Variants in THBS4 observed in about 807,000 individuals in gnomAD.
The protein encoded by THBS4 is thrombospondin-4.
Under a neutral mutation model 115.7 loss-of-function variants are expected in THBS4, and 90 were observed. That is an observed-to-expected ratio of 0.78 (90% CI 0.66 to 0.93). The LOEUF is 0.93. THBS4 is among the 40% of genes least tolerant of loss of function. THBS4 has a pLI of 0.00. For synonymous variants in THBS4, 460 were observed against 479.3 expected (o/e 0.96, Z 0.53); for missense variants, 1,087 against 1,232.7 (o/e 0.88, Z 1.77).
Position 80,065,382 on chromosome 5 carries a change from A to AACTT in THBS4, c.1126-26_1126-23dup, listed in dbSNP as rs1265159822. The AACTT allele has an allele frequency of 2.5e-6, 4 of 1,600,252 alleles. No individual in the cohort carries two copies. In the African/African-American group the frequency reaches 5.4e-5, roughly 21 times the overall value. ...TCTATTTAAGCAGCATGTCTCGCTA[A>AACTT]ACTTTCTTTGAACTTTTCTGCACTA... is the stretch of plus-strand genomic sequence containing the variant. On this transcript the variant is annotated intron_variant, in intron 8 of 21. Coordinates refer to ENST00000350881, the MANE Select transcript of THBS4 (RefSeq NM_003248.6).
At chr5:80,002,053 T>G (rs539673600) in intron 2 of THBS4, among the ~76,000 whole-genome samples, 1 of 152,220 alleles carries the variant, frequency 6.6e-6, no homozygotes, top group Admixed American at 6.5e-5. Flanking sequence ...TATTTTCAAT[T>G]TGAACTTTGA....
chr5:79,991,377 T>C (rs1831668916), exon 1 of THBS4: 2 of 778,154 alleles, frequency 2.6e-6, no homozygotes, highest in Admixed American at 3.2e-5. Context: ...ACTGGAGGGA[T>C]TAAGAAGAAC....
chr5:80,003,041 A>C (rs1333287144), intron 2 of THBS4, among the ~76,000 whole-genome samples: 2 of 152,126 alleles, frequency 1.3e-5, no homozygotes, highest in Admixed American at 1.3e-4. Flanking sequence ...GTTTTCTTAA[A>C]ATTCCATATT....
chr5:80,042,092 G>A (rs1832920445), intron 2 of THBS4, among the ~76,000 whole-genome samples: 1 of 152,176 alleles, frequency 6.6e-6, no homozygotes, highest in Non-Finnish European at 1.5e-5. Flanking sequence ...GTGCCTCATA[G>A]CCTGTCAGGG....
chr5:79,994,931 A>C (rs1277272205), intron 1 of THBS4, among the ~76,000 whole-genome samples: 5 of 152,266 alleles, frequency 3.3e-5, no homozygotes, highest in Non-Finnish European at 7.3e-5. Flanking sequence ...GCCTAATGAA[A>C]GAAGATGATA....
At chr5:79,997,279 T>C (rs1006304214) in intron 1 of THBS4, among the ~76,000 whole-genome samples, 6 of 152,186 alleles carry the variant, frequency 3.9e-5, no homozygotes, top group Non-Finnish European at 7.3e-5. Flanking sequence ...AAATGTATGC[T>C]GTCCCTCAGA....
At chr5:80,078,821 T>C in intron 17 of THBS4, 100 bp from the exon 18 acceptor site, 1 of 1,064,692 alleles carries the variant, frequency 9.4e-7, no homozygotes, top group East Asian at 2.4e-5. Context: ...AGGTCAGACA[T>C]CACTGGCCAC....
chr5:80,046,630 TGATA>T (rs1833074798), intron 2 of THBS4, among the ~76,000 whole-genome samples: 1 of 152,122 alleles, frequency 6.6e-6, no homozygotes, highest in South Asian at 2.1e-4. Context: ...GTTTCAAAGC[TGATA>T]GATTAAAAAA....
chr5:80,077,099 C>T, intron 16 of THBS4, 51 bp downstream of exon 16: 1 of 1,469,624 alleles, frequency 6.8e-7, no homozygotes, highest in East Asian at 2.5e-5. Context: ...TCCCTTCAGC[C>T]AGGCACATGG....
At chr5:80,029,803 C>CAA (rs762953430) in intron 2 of THBS4, among the ~76,000 whole-genome samples, 44 of 136,024 alleles carry the variant, frequency 3.2e-4, no homozygotes, top group African/African-American at 1.1e-3. Flanking sequence ...ACTAAAAATA[C>CAA]AAAAAAAAAA....
intron 2 of THBS4, among the ~76,000 whole-genome samples, chr5:80,013,035 C>T (rs1418855549): frequency 6.6e-6 from 1 of 152,246 alleles, no homozygotes; most frequent in Non-Finnish European, 1.5e-5. Flanking sequence ...GACTTCTCAG[C>T]TGCATATCGG....
intron 2 of THBS4, among the ~76,000 whole-genome samples, chr5:80,004,282 G>T (rs1718209851): frequency 6.6e-6 from 1 of 152,232 alleles, no homozygotes; most frequent in Non-Finnish European, 1.5e-5. Context: ...ATGAATGTGT[G>T]TAAATGATAT....
chr5:80,082,977 G>C (rs1204792785), intron 21 of THBS4, 103 bp from the exon 22 acceptor site: 80 of 932,410 alleles, frequency 8.6e-5, no homozygotes, highest in Admixed American at 2.6e-4. Context: ...CGTCCTGGGC[G>C]GGCTAACAGC....
chr5:80,078,349 T>G, intron 17 of THBS4, 122 bp downstream of exon 17: 2 of 782,654 alleles, frequency 2.6e-6, no homozygotes, highest in Non-Finnish European at 3.8e-6. Context: ...TTCGCTCTTA[T>G]TCCTCAACAG....
chr5:80,070,254 G>C (rs1279928077), intron 10 of THBS4, 52 bp from the exon 11 acceptor site: 4 of 1,481,620 alleles, frequency 2.7e-6, no homozygotes, highest in Admixed American at 4.5e-5. Flanking sequence ...TCAGCCACCA[G>C]CTTCCTGCCA....
chr5:80,072,316 A>G lies in THBS4; in HGVS notation c.1759A>G (p.Asn587Asp), dbSNP rs1160781296. The change falls in exon 14 of 22, where the codon AAT becomes GAT. Residue 587 changes from asparagine to aspartate, a missense_variant. Coordinates refer to ENST00000350881, the MANE Select transcript of THBS4 (RefSeq NM_003248.6). ...TCTGGACAACTGCCCAAAATTTCCCAATCGTGACCAACGGGACAAGGATGG... is the reference window on the plus strand; with the variant it reads ...TCTGGACAACTGCCCAAAATTTCCCGATCGTGACCAACGGGACAAGGATGG... Reference protein sequence around the residue: ...NILDNCPKFPNRDQRDKDGDG... With the variant: ...NILDNCPKFPDRDQRDKDGDG... The G allele has an allele frequency of 1.2e-6, 2 of 1,614,160 alleles. No homozygotes were observed. The highest frequency in any genetic ancestry group is 3.3e-5 in the Admixed American group (2 of 60,012).
intron 7 of THBS4, 144 bp from the exon 8 acceptor site, chr5:80,061,551 G>A: frequency 9.2e-7 from 1 of 1,087,196 alleles, no homozygotes; most frequent in South Asian, 1.8e-5. Context: ...GTGGGTAACT[G>A]GAGTTGGAAG....
chr5:80,059,346 A>G, intron 5 of THBS4, 94 bp from the exon 6 acceptor site: 1 of 1,154,360 alleles, frequency 8.7e-7, no homozygotes, highest in Non-Finnish European at 1.2e-6. Context: ...AAAAAAAAAA[A>G]GTGTTACATA....
At chr5:80,017,125 C>G (rs1169753037) in intron 2 of THBS4, among the ~76,000 whole-genome samples, 1 of 152,046 alleles carries the variant, frequency 6.6e-6, no homozygotes, top group Non-Finnish European at 1.5e-5. Flanking sequence ...AATGCTAGTT[C>G]CTACATAATT....
Sources: gnomAD v4.1 joint callset for allele counts (sites outside exome capture counted in the v4.1 genomes callset) on GRCh38, gnomAD v4.1.1 for gene constraint, MANE v1.5 for transcripts, NCBI Gene and HGNC (gene_info 2026-07-23, HGNC 2026-07-21) for gene names.